The following PAFAH1B3 variants were observed in gnomAD, a reference collection of about 807,000 sequenced individuals.
PAFAH1B3 encodes the protein platelet-activating factor acetylhydrolase IB subunit alpha1.
A neutral mutation model predicts 24.4 loss-of-function variants in PAFAH1B3; 15 were observed. The ratio of observed to expected loss-of-function variants is 0.62; its 90% CI spans 0.41 to 0.95. The LOEUF (loss-of-function observed/expected upper bound fraction) is 0.95. Ranked by LOEUF, PAFAH1B3 falls within the 40% of genes least tolerant of loss-of-function variation. The probability of loss-of-function intolerance (pLI) is 0.00; values close to 1 mark genes in which losing one functional copy is unlikely to be tolerated. For synonymous variants in PAFAH1B3, 144 were observed against 126.5 expected, an observed-to-expected ratio of 1.14 and a Z score of -0.93; for missense variants, 266 against 312.2, an observed-to-expected ratio of 0.85 and a Z score of 1.12.
intron 4 of PAFAH1B3, among the ~76,000 whole-genome samples, chr19:42,298,546 C>T (rs1953520176): frequency 6.6e-6 from 1 of 152,160 alleles, no homozygotes; most frequent in Admixed American, 6.5e-5. Context: ...AGGGATCAAT[C>T]CGTTTTCAGA....
chr19:42,301,820 C>T, intron 2 of PAFAH1B3, 130 bp downstream of exon 2: 3 of 660,894 alleles, frequency 4.5e-6, no homozygotes. Flanking sequence ...CACCAAGATT[C>T]TCAGAGCCTC....
chr19:42,302,112 G>C, intron 1 of PAFAH1B3, 73 bp from the exon 2 acceptor site: 1 of 1,502,954 alleles, frequency 6.7e-7, no homozygotes, highest in Non-Finnish European at 9.1e-7. Flanking sequence ...CCCTTAGGCA[G>C]CGCCTCCTCA....
chr19:42,298,499 A>G (rs1345874172), intron 4 of PAFAH1B3, among the ~76,000 whole-genome samples: 2 of 152,180 alleles, frequency 1.3e-5, no homozygotes, highest in Non-Finnish European at 2.9e-5. Context: ...CAAAATAAAT[A>G]AATAAATAAA....
chr19:42,299,972 G>C lies in PAFAH1B3; in HGVS notation c.406C>G (p.Leu136Val), dbSNP rs1175229409. The C allele has an allele frequency of 6.2e-7, 1 of 1,613,944 alleles. No individual in the cohort carries two copies. Among genetic ancestry groups the C allele is most frequent in the Non-Finnish European group, 8.5e-7 (1 of 1,180,028 alleles). The change falls in exon 4 of 5, where the codon CTG becomes GTG. Residue 136 changes from leucine (L) to valine (V), a missense_variant and splice_region_variant. Leu to Val is a conservative substitution (Grantham distance 32). Transcript: ENST00000262890. Reference sequence around the variant, plus strand: ...TTCCCACTCTCCCAGCCTCTCACCAGCACCACAACCCGGGCCTGGGGCTGT... The same window carrying C: ...TTCCCACTCTCCCAGCCTCTCACCACCACCACAACCCGGGCCTGGGGCTGT... ...ERQPQARVVV[L>V]GLLPRGQHPN...
chr19:42,300,739 G>A (rs754088934), intron 2 of PAFAH1B3, among the ~76,000 whole-genome samples: 4 of 152,116 alleles, frequency 2.6e-5, no homozygotes, highest in Non-Finnish European at 5.9e-5. Context: ...GACTGGTCTC[G>A]AACTCCTGAC....
chr19:42,300,153 C>T lies in PAFAH1B3; in HGVS notation c.285+18G>A. 6.2e-7 allele frequency: 1 copy of T among 1,614,008 alleles called. No homozygotes were observed. The highest frequency in any genetic ancestry group is 2.2e-5 in the East Asian group (1 of 44,884). On this transcript the variant is annotated intron_variant, in intron 3 of 4. Transcript: ENST00000262890. ...GCAGCCAAAAGATGTTTTAGAGCCC[C>T]ACCCAAGCCCCGCTCACCTTGGGCC...
intron 1 of PAFAH1B3, 37 bp downstream of exon 1, chr19:42,302,195 C>T (rs759295406): frequency 6.4e-7 from 1 of 1,552,622 alleles, no homozygotes; most frequent in Non-Finnish European, 8.7e-7. Context: ...CCCCCCGCGC[C>T]CCCGGACTCC....
Position 42,302,337 on chromosome 19 carries a change from G to T in PAFAH1B3, c.-28C>A. Reference sequence around the variant, plus strand: ...TGGCGCCGCAGCTCCTGCAGGATGAGCGAGTCGGGTCGGCCCGGGAGTGTT... The same window carrying T: ...TGGCGCCGCAGCTCCTGCAGGATGATCGAGTCGGGTCGGCCCGGGAGTGTT... On this transcript the variant is annotated 5_prime_UTR_variant, in exon 1 of 5. Coordinates refer to ENST00000262890, the MANE Select transcript of PAFAH1B3 (RefSeq NM_002573.4). 6.4e-7 allele frequency: 1 copy of T among 1,573,314 alleles called. No homozygotes were observed.
rs1206529748 is a variant in PAFAH1B3, at chr19:42,297,233, A to G, written c.541T>C (p.Ser181Pro). The change falls in exon 5 of 5, where the codon TCA becomes CCA. Residue 181 changes from serine (S) to proline (P), a missense_variant. Physicochemically the swap from Ser to Pro is moderately conservative, Grantham distance 74. Transcript: ENST00000262890. ...FLDADPGFVHSDGTISHHDMY... is the reference protein window; with the variant it reads ...FLDADPGFVHPDGTISHHDMY... ...TCATGATGGCTGATGGTGCCATCTG[A>G]GTGCACAAAGCCAGGGTCGGCATCT... 1.2e-6 allele frequency: 2 copies of G among 1,614,092 alleles called. No homozygotes were observed. Among genetic ancestry groups the G allele is most frequent in the Non-Finnish European group, 1.7e-6 (2 of 1,180,020 alleles).
At chr19:42,297,496 G>C (rs1210592863) in intron 4 of PAFAH1B3, 131 bp from the exon 5 acceptor site, 1 of 613,974 alleles carries the variant, frequency 1.6e-6, no homozygotes, top group African/African-American at 1.8e-5. Context: ...AAGTGGGGAG[G>C]GTGGGAGGGT....
intron 2 of PAFAH1B3, among the ~76,000 whole-genome samples, chr19:42,301,628 G>A (rs908633308): frequency 2.0e-5 from 3 of 152,312 alleles, no homozygotes; most frequent in Middle Eastern, 3.4e-3. Flanking sequence ...TTCCTGTAAA[G>A]TGACTATAGC....
chr19:42,300,354 C>T (rs565663371), intron 2 of PAFAH1B3, 67 bp from the exon 3 acceptor site: 3 of 1,315,840 alleles, frequency 2.3e-6, no homozygotes, highest in Admixed American at 1.7e-5. Context: ...CATGGACCAT[C>T]CCCCTCTGTC....
chr19:42,297,570 G>T (rs184897224), intron 4 of PAFAH1B3, among the ~76,000 whole-genome samples: 2 of 149,222 alleles, frequency 1.3e-5, no homozygotes, highest in East Asian at 2.0e-4. Flanking sequence ...ACCCTCTTTC[G>T]TTTTCTTTTT....
At position 42,297,041 on chromosome 19, in the gene PAFAH1B3, AAGG is replaced by A. The variant is rs1327848083; in HGVS notation, c.*34_*36del. The A allele has an allele frequency of 3.2e-6, 5 of 1,577,488 alleles. No individual in the cohort carries two copies. Among genetic ancestry groups the A allele is most frequent in the Non-Finnish European group, 4.3e-6 (5 of 1,154,896 alleles). ...TAAAGCAGGAAACAGCACACTGAGG[AAGG>A]AGAGTTTAATGTTGTGGGAAGGCAG... On this transcript the variant is annotated 3_prime_UTR_variant, in exon 5 of 5. Coordinates refer to ENST00000262890, the MANE Select transcript of PAFAH1B3 (RefSeq NM_002573.4).
In PAFAH1B3 at chr19:42,297,636, C is replaced by T. The variant is rs547132454; in HGVS notation, c.409-271G>A. Among the ~76,000 whole-genome samples, 18 of 150,586 alleles carry T rather than the reference C, an allele frequency of 1.2e-4. No homozygotes were observed. In the South Asian group the frequency reaches 3.2e-3, roughly 27 times the overall value. On this transcript the variant is annotated intron_variant, in intron 4 of 4. Coordinates refer to ENST00000262890, the MANE Select transcript of PAFAH1B3 (RefSeq NM_002573.4). The stretch of plus-strand genomic sequence containing the variant: ...TCGCCCAGACTGGAGTGCAGTGGCG[C>T]GATCTCGACTCACTGCAAGCTCCGC...
chr19:42,298,818 T>C (rs1274181948), intron 4 of PAFAH1B3, among the ~76,000 whole-genome samples: 1 of 151,980 alleles, frequency 6.6e-6, no homozygotes, highest in African/African-American at 2.4e-5. Context: ...ACCCAGCTAA[T>C]TCTTTTTTTT....
chr19:42,297,805 CT>C (rs2038560344), intron 4 of PAFAH1B3, among the ~76,000 whole-genome samples: 1 of 151,984 alleles, frequency 6.6e-6, no homozygotes, highest in Non-Finnish European at 1.5e-5. Flanking sequence ...GATCTCCTGA[CT>C]TCATGATCCG....
rs1281232497 is a variant in PAFAH1B3, at chr19:42,300,335, C to T, written c.169-48G>A. The T allele has an allele frequency of 3.4e-6, 5 of 1,471,654 alleles. No individual in the cohort carries two copies. The East Asian group carries it at 1.1e-4, about 33-fold the overall frequency. 91.2% of individuals were successfully genotyped at this position (1,471,654 alleles called of 1,614,324 possible). A position where few individuals can be genotyped will look rare whatever the true frequency, so the allele number is the denominator to read the frequency against. On this transcript the variant is annotated intron_variant, in intron 2 of 4. Coordinates refer to ENST00000262890, the MANE Select transcript of PAFAH1B3 (RefSeq NM_002573.4). ...GCAAGAAGTGGTAGGGGCACAAGGG[C>T]ACTGTCCGCATGGACCATCCCCCTC... is the stretch of plus-strand genomic sequence containing the variant.
chr19:42,300,305 T>C lies in PAFAH1B3; in HGVS notation c.169-18A>G. The C allele has an allele frequency of 6.2e-7, 1 of 1,609,504 alleles. No individual in the cohort carries two copies. The highest frequency in any genetic ancestry group is 8.5e-7 in the Non-Finnish European group (1 of 1,175,852). ...CGCCAGATCTGTGGGCAAGAAGTGG[T>C]GTGGGCAAGAAGTGGTAGGGGCACA... On this transcript the variant is annotated intron_variant, in intron 2 of 4. Transcript: ENST00000262890.
Sources: gnomAD v4.1 joint callset for allele counts (sites outside exome capture counted in the v4.1 genomes callset) on GRCh38, gnomAD v4.1.1 for gene constraint, MANE v1.5 for transcripts, NCBI Gene and HGNC (gene_info 2026-07-23, HGNC 2026-07-21) for gene names.